PARD3B: variants seen among roughly 807,000 people sequenced by gnomAD.
The protein encoded by PARD3B is par-3 family cell polarity regulator beta, also known as partitioning defective 3 homolog B.
PARD3B carries 103 observed loss-of-function variants against 130.2 expected under a neutral mutation model. The ratio of observed to expected loss-of-function variants is 0.79; its 90% confidence interval spans 0.67 to 0.93. The LOEUF (loss-of-function observed/expected upper bound fraction) is 0.93. PARD3B is among the 40% of genes least tolerant of loss of function. PARD3B has a pLI of 0.00. For synonymous variants in PARD3B, 583 were observed against 553.2 expected, an observed-to-expected ratio of 1.05 and a Z score of -0.76; for missense variants, 1,609 against 1,499.2, an observed-to-expected ratio of 1.07 and a Z score of -1.21.
Position 205,238,846 on chromosome 2 carries a change from A to AT in PARD3B, c.2141-6932_2141-6931insT, listed in dbSNP as rs1235845008. Among the ~76,000 whole-genome samples, 32 of 80,066 alleles carry AT rather than the reference A, an allele frequency of 4.0e-4. 1 individual carries two copies. Among genetic ancestry groups the AT allele is most frequent in the South Asian group, 1.5e-3 (3 of 2,050 alleles). 52.5% of individuals were successfully genotyped at this position (80,066 alleles called of 152,430 possible). ...AAAAAACTCCGTTTCAAAAAAAAAAAAAAATATATATATATATATATATAT... is the reference window on the plus strand; with the variant it reads ...AAAAAACTCCGTTTCAAAAAAAAAAATAAAATATATATATATATATATATAT... On this transcript the variant is annotated intron_variant, in intron 15 of 22. Transcript: ENST00000406610.
intron 2 of PARD3B, among the ~76,000 whole-genome samples, chr2:204,928,533 A>T (rs188949911): frequency 1.7e-3 from 255 of 152,260 alleles, no homozygotes; most frequent in Non-Finnish European, 2.8e-3. Flanking sequence ...TACTATCACA[A>T]TGTGACTTGG....
chr2:205,031,564 G>A (rs1263388785), intron 3 of PARD3B, among the ~76,000 whole-genome samples: 4 of 152,136 alleles, frequency 2.6e-5, no homozygotes, highest in African/African-American at 7.2e-5. Context: ...GGAGTGAGTG[G>A]TAGGCCTATG....
At chr2:204,999,648 T>C (rs1278154899) in intron 3 of PARD3B, among the ~76,000 whole-genome samples, 1 of 152,192 alleles carries the variant, frequency 6.6e-6, no homozygotes, top group Non-Finnish European at 1.5e-5. Flanking sequence ...TCCTATACAT[T>C]AAAGTGGTCT....
At chr2:204,910,969 C>T (rs1420402406) in intron 2 of PARD3B, among the ~76,000 whole-genome samples, 6 of 152,094 alleles carry the variant, frequency 3.9e-5, no homozygotes, top group Non-Finnish European at 8.8e-5. Flanking sequence ...CTTCCCCTTA[C>T]GCTGAGTATG....
At chr2:204,813,555 A>G (rs1013108272) in intron 2 of PARD3B, among the ~76,000 whole-genome samples, 1 of 152,100 alleles carries the variant, frequency 6.6e-6, no homozygotes, top group African/African-American at 2.4e-5. Context: ...TTCATGGACC[A>G]TGCTTTTAGT....
chr2:205,509,073 T>C (rs1400459192), intron 21 of PARD3B, among the ~76,000 whole-genome samples: 1 of 151,868 alleles, frequency 6.6e-6, no homozygotes, highest in African/African-American at 2.4e-5. Flanking sequence ...CTATACAACA[T>C]GTGAGTGAAT....
chr2:205,255,264 A>G (rs1277890116), intron 16 of PARD3B, among the ~76,000 whole-genome samples: 2 of 152,032 alleles, frequency 1.3e-5, no homozygotes, highest in Admixed American at 6.5e-5. Context: ...TCTTGCCTCA[A>G]CTCACACTTC....
chr2:204,915,029 C>A (rs1187287258), intron 2 of PARD3B, among the ~76,000 whole-genome samples: 1 of 152,140 alleles, frequency 6.6e-6, no homozygotes, highest in Non-Finnish European at 1.5e-5. Flanking sequence ...TTTAGGACTT[C>A]CTGGTGGATC....
At chr2:204,739,210 T>C (rs1559104481) in intron 2 of PARD3B, among the ~76,000 whole-genome samples, 1 of 152,228 alleles carries the variant, frequency 6.6e-6, no homozygotes, top group Non-Finnish European at 1.5e-5. Context: ...GTTGGTTTTC[T>C]GTGCCTTGGG....
intron 13 of PARD3B, among the ~76,000 whole-genome samples, chr2:205,177,541 A>C (rs2035542766): frequency 6.6e-6 from 1 of 152,202 alleles, no homozygotes; most frequent in African/African-American, 2.4e-5. Flanking sequence ...TATATTATGT[A>C]ATCAGTCCCT....
At chr2:205,608,736 A>T (rs1238444373) in intron 22 of PARD3B, among the ~76,000 whole-genome samples, 1 of 152,228 alleles carries the variant, frequency 6.6e-6, no homozygotes, top group Non-Finnish European at 1.5e-5. Flanking sequence ...ACAGAATCCA[A>T]AACTCATTGC....
At chr2:204,861,243 G>T (rs1369435692) in intron 2 of PARD3B, among the ~76,000 whole-genome samples, 3 of 138,404 alleles carry the variant, frequency 2.2e-5, no homozygotes, top group Admixed American at 1.6e-4. Flanking sequence ...TGTGTTTCCA[G>T]AATTAATTAA....
chr2:204,798,715 G>A (rs2042461013), intron 2 of PARD3B, among the ~76,000 whole-genome samples: 1 of 152,026 alleles, frequency 6.6e-6, no homozygotes, highest in Non-Finnish European at 1.5e-5. Context: ...GTATGATAGG[G>A]CACTGGGCAG....
chr2:205,249,234 A>G (rs2039730827), intron 16 of PARD3B, among the ~76,000 whole-genome samples: 1 of 149,946 alleles, frequency 6.7e-6, no homozygotes, highest in African/African-American at 2.5e-5. Context: ...TTTCTCTTTA[A>G]CTATAGAAAT....
chr2:205,187,649 A>T lies in PARD3B; in HGVS notation c.2024+1786A>T, dbSNP rs1180307809. Among the ~76,000 whole-genome samples the T allele has an allele frequency of 6.6e-6, 1 of 152,176 alleles. No individual in the cohort carries two copies. Among genetic ancestry groups the T allele is most frequent in the African/African-American group, 2.4e-5 (1 of 41,446 alleles). ...CTGTCTTTTTGGCTTCAAAGTCTCC[A>T]CGGATTTCTTTCCTTCCCTTTTCTG... On this transcript the variant is annotated intron_variant, in intron 14 of 22. Transcript: ENST00000406610. The surrounding 1 kb of genome is among the most constrained non-coding windows in gnomAD (Gnocchi z 4.9).
chr2:204,899,301 CCTTGCTGTCTTCCTTT>C (rs1559239927), intron 2 of PARD3B, among the ~76,000 whole-genome samples: 1 of 139,094 alleles, frequency 7.2e-6, no homozygotes, highest in Non-Finnish European at 1.5e-5. Context: ...TGTCTTCCTT[CCTTGCTGTCTTCCTTT>C]CAGTGTAGGT....
intron 2 of PARD3B, among the ~76,000 whole-genome samples, chr2:204,843,413 C>T (rs758734260): frequency 1.1e-4 from 17 of 151,710 alleles, no homozygotes; most frequent in Non-Finnish European, 2.4e-4. Flanking sequence ...TCTCCTTTTT[C>T]TTTTTTTTCT....
chr2:205,072,883 G>A (rs1459180057), intron 4 of PARD3B, among the ~76,000 whole-genome samples: 1 of 152,066 alleles, frequency 6.6e-6, no homozygotes, highest in Non-Finnish European at 1.5e-5. Flanking sequence ...ATGTATGAGA[G>A]TCAAACCATT....
chr2:204,974,076 A>T (rs1440234559), intron 3 of PARD3B, among the ~76,000 whole-genome samples: 1 of 152,186 alleles, frequency 6.6e-6, no homozygotes. Context: ...GTTGATCGCT[A>T]TCAGAAAATA....
Sources: allele counts gnomAD v4.1 joint callset (sites outside exome capture counted in the v4.1 genomes callset), GRCh38; gene constraint gnomAD v4.1.1; non-coding constraint Gnocchi (gnomAD v3.1); transcripts MANE v1.5; gene names NCBI Gene and HGNC (gene_info 2026-07-23, HGNC 2026-07-21).